The following HS3ST5 variants were observed in gnomAD, a reference collection of about 807,000 sequenced individuals.
The protein encoded by HS3ST5 is heparan sulfate glucosamine 3-O-sulfotransferase 5.
A neutral mutation model predicts 25.4 loss-of-function variants in HS3ST5; 10 were observed. The ratio of observed to expected loss-of-function variants is 0.39; its 90% CI spans 0.24 to 0.67. The LOEUF (loss-of-function observed/expected upper bound fraction) is 0.67. HS3ST5 is among the 30% of genes least tolerant of loss of function. HS3ST5 has a pLI of 0.44. For synonymous variants in HS3ST5, 170 were observed against 162.4 expected, an observed-to-expected ratio of 1.05 and a Z score of -0.36; for missense variants, 324 against 420.7, an observed-to-expected ratio of 0.77 and a Z score of 2.01.
chr6:114,235,392 A>G (rs1158014583), intron 1 of HS3ST5, among the ~76,000 whole-genome samples: 1 of 151,764 alleles, frequency 6.6e-6, no homozygotes, highest in Non-Finnish European at 1.5e-5. Flanking sequence ...AAACAAGTAA[A>G]AAAAAAAAAT....
chr6:114,148,794 G>A (rs1778299150), intron 3 of HS3ST5, among the ~76,000 whole-genome samples: 2 of 152,184 alleles, frequency 1.3e-5, no homozygotes, highest in Non-Finnish European at 2.9e-5. Context: ...TAGCATTAGA[G>A]TGAAAAGGCA....
At chr6:114,245,823 T>C (rs1309316503) in intron 1 of HS3ST5, among the ~76,000 whole-genome samples, 1 of 152,158 alleles carries the variant, frequency 6.6e-6, no homozygotes, top group Non-Finnish European at 1.5e-5. Flanking sequence ...GCGTTATGCA[T>C]ACAGGTGGGA....
intron 3 of HS3ST5, among the ~76,000 whole-genome samples, chr6:114,150,538 A>G (rs1218210142): frequency 6.6e-5 from 10 of 152,242 alleles, no homozygotes; most frequent in Non-Finnish European, 1.0e-4. Context: ...TGCTTCAATT[A>G]GACCTTTATA....
At chr6:114,228,217 C>T (rs771003138) in intron 2 of HS3ST5, among the ~76,000 whole-genome samples, 2 of 152,078 alleles carry the variant, frequency 1.3e-5, no homozygotes, top group African/African-American at 2.4e-5. Context: ...AGTGGATCTA[C>T]GTTTCTGTGA....
At chr6:114,267,194 A>G (rs1354946075) in intron 1 of HS3ST5, among the ~76,000 whole-genome samples, 1 of 152,226 alleles carries the variant, frequency 6.6e-6, no homozygotes, top group Non-Finnish European at 1.5e-5. Context: ...TGGAAGTGAT[A>G]AAAATGAGTC....
At chr6:114,089,845 T>C (rs1198504659) in intron 3 of HS3ST5, among the ~76,000 whole-genome samples, 1 of 152,216 alleles carries the variant, frequency 6.6e-6, no homozygotes, top group African/African-American at 2.4e-5. Flanking sequence ...TTCTTTATTC[T>C]CTTCAAACAC....
At chr6:114,116,078 C>T (rs1437842465) in intron 3 of HS3ST5, 1 of 152,000 alleles carries the variant, frequency 6.6e-6, no homozygotes, top group Non-Finnish European at 1.5e-5. Context: ...TTAAAGTATT[C>T]CACCAGAGAA....
chr6:114,302,735 C>T (rs1179550491), intron 1 of HS3ST5, among the ~76,000 whole-genome samples: 40 of 152,162 alleles, frequency 2.6e-4, no homozygotes, highest in Admixed American at 2.6e-3. Flanking sequence ...CCTTACGGGA[C>T]ATCTTTGGTC....
At chr6:114,293,020 C>T (rs759585506) in intron 1 of HS3ST5, among the ~76,000 whole-genome samples, 1 of 151,734 alleles carries the variant, frequency 6.6e-6, no homozygotes, top group Non-Finnish European at 1.5e-5. Flanking sequence ...GCTGACTGTA[C>T]ATTAATGATC....
chr6:114,149,381 C>A (rs1293830570), intron 3 of HS3ST5, among the ~76,000 whole-genome samples: 1 of 152,188 alleles, frequency 6.6e-6, no homozygotes, highest in Non-Finnish European at 1.5e-5. Context: ...CAAATGTACA[C>A]CATGGAATAC....
At chr6:114,305,795 T>C (rs1389421961) in intron 1 of HS3ST5, among the ~76,000 whole-genome samples, 1 of 152,074 alleles carries the variant, frequency 6.6e-6, no homozygotes, top group Non-Finnish European at 1.5e-5. Context: ...TCACCACTGA[T>C]TTTTGCACCA....
intron 1 of HS3ST5, among the ~76,000 whole-genome samples, chr6:114,257,098 C>A (rs1023786317): frequency 6.6e-6 from 1 of 152,078 alleles, no homozygotes; most frequent in Non-Finnish European, 1.5e-5. Context: ...GAAACTGCCC[C>A]TATGATTCAA....
Position 114,309,187 on chromosome 6 carries a change from T to A in HS3ST5, c.-339+33008A>T, listed in dbSNP as rs1266173370. On this transcript the variant is annotated intron_variant, in intron 1 of 4. Transcript: ENST00000312719. The stretch of plus-strand genomic sequence containing the variant: ...TTTGACCACACTCTAAGAAATCTTT[T>A]CACAGAATACATATGAGCACTCAGG... 3.3e-5 allele frequency among the ~76,000 whole-genome samples: 5 copies of A among 152,196 alleles called. No individual in the cohort carries two copies. In the East Asian group the frequency reaches 9.6e-4, roughly 29 times the overall value.
At chr6:114,217,299 A>G (rs866885160) in intron 2 of HS3ST5, among the ~76,000 whole-genome samples, 10 of 152,212 alleles carry the variant, frequency 6.6e-5, no homozygotes, top group South Asian at 2.1e-4. Context: ...TGCCATTTAA[A>G]TCCTTTTCCA....
intron 3 of HS3ST5, among the ~76,000 whole-genome samples, chr6:114,164,192 T>C (rs1434854927): frequency 6.6e-6 from 1 of 152,178 alleles, no homozygotes; most frequent in African/African-American, 2.4e-5. Context: ...TTTGGTATTA[T>C]AAAAATTATT....
intron 3 of HS3ST5, among the ~76,000 whole-genome samples, chr6:114,149,203 C>T (rs1290574564): frequency 6.6e-6 from 1 of 152,156 alleles, no homozygotes; most frequent in East Asian, 1.9e-4. Flanking sequence ...ACCAGAAATA[C>T]CATTTGACTC....
chr6:114,264,502 TAG>T (rs1037676769), intron 1 of HS3ST5, among the ~76,000 whole-genome samples: 1 of 151,336 alleles, frequency 6.6e-6, no homozygotes, highest in African/African-American at 2.4e-5. Flanking sequence ...CAGTGAAATT[TAG>T]TTTTGATTTT....
chr6:114,101,980 A>G (rs1015473232), intron 3 of HS3ST5, among the ~76,000 whole-genome samples: 5 of 152,212 alleles, frequency 3.3e-5, no homozygotes, highest in African/African-American at 1.2e-4. Flanking sequence ...GTTCTCACTT[A>G]TAAGTAGTAG....
intron 4 of HS3ST5, among the ~76,000 whole-genome samples, chr6:114,062,531 A>G: frequency 6.6e-6 from 1 of 152,170 alleles, no homozygotes; most frequent in East Asian, 1.9e-4. Context: ...CGGAATACAA[A>G]TGGATCTTGA....
Sources: allele counts gnomAD v4.1 joint callset (sites outside exome capture counted in the v4.1 genomes callset), GRCh38; gene constraint gnomAD v4.1.1; transcripts MANE v1.5; gene names NCBI Gene and HGNC (gene_info 2026-07-23, HGNC 2026-07-21).